The following ATP10A variants were observed in gnomAD, a reference collection of about 807,000 sequenced individuals.
ATP10A encodes the protein phospholipid-transporting ATPase VA.
A neutral mutation model predicts 147.8 loss-of-function variants in ATP10A; 111 were observed. That is an observed-to-expected ratio of 0.75 (90% confidence interval 0.64 to 0.88). The LOEUF is 0.88. Ranked by LOEUF, ATP10A falls within the 40% of genes least tolerant of loss-of-function variation. ATP10A has a pLI of 0.00. For missense variants in ATP10A, 1,927 were observed against 1,959.0 expected (o/e 0.98, Z 0.31); for synonymous variants, 875 against 841.6 (o/e 1.04, Z -0.69).
chr15:25,814,358 C>T (rs1012300690), intron 1 of ATP10A, among the ~76,000 whole-genome samples: 9 of 152,302 alleles, frequency 5.9e-5, no homozygotes, highest in African/African-American at 4.8e-5. Flanking sequence ...CATGGGCAGA[C>T]CTGTACCATG....
rs555291034 is a variant in ATP10A, at chr15:25,821,190, A to G, written c.450-39967T>C. ...TAAGACACGTGGATCCTTTGAGCCC[A>G]GGAGTTCAAGACCAGCCTGGGCTAC... On this transcript the variant is annotated intron_variant, in intron 1 of 20. Coordinates refer to ENST00000555815, the MANE Select transcript of ATP10A (RefSeq NM_024490.4). Among the ~76,000 whole-genome samples, 11 of 152,328 alleles carry G rather than the reference A, an allele frequency of 7.2e-5. No individual in the cohort carries two copies. The South Asian group carries it at 2.3e-3, about 32-fold the overall frequency.
intron 1 of ATP10A, among the ~76,000 whole-genome samples, chr15:25,803,099 C>T (rs1445256321): frequency 1.3e-5 from 2 of 152,136 alleles, no homozygotes; most frequent in South Asian, 2.1e-4. Flanking sequence ...ATCCGGGTCA[C>T]GAGGACACAG....
Position 25,681,166 on chromosome 15 carries a change from AAAC to A in ATP10A, c.3493-95_3493-93del, listed in dbSNP as rs1382694290. 5 of 1,242,936 alleles carry A rather than the reference AAAC, an allele frequency of 4.0e-6. No homozygotes were observed. The East Asian group carries it at 1.0e-4, about 26-fold the overall frequency. 77.0% of individuals were successfully genotyped at this position (1,242,936 alleles called of 1,614,324 possible). A position where few individuals can be genotyped will look rare whatever the true frequency, so the allele number is the denominator to read the frequency against. ...ATAAAAATGGAGTCACTTGTGTTAA[AAAC>A]AACAACAATAACAACAAAAACCCAC... On this transcript the variant is annotated intron_variant, in intron 17 of 20. Coordinates refer to ENST00000555815, the MANE Select transcript of ATP10A (RefSeq NM_024490.4).
At chr15:25,855,282 A>G (rs905878898) in intron 1 of ATP10A, among the ~76,000 whole-genome samples, 2 of 152,188 alleles carry the variant, frequency 1.3e-5, no homozygotes, top group Admixed American at 6.5e-5. Flanking sequence ...ATTGTACACC[A>G]TGACCAAGTA....
intron 1 of ATP10A, among the ~76,000 whole-genome samples, chr15:25,814,870 C>T (rs1891583214): frequency 6.6e-6 from 1 of 152,174 alleles, no homozygotes; most frequent in Non-Finnish European, 1.5e-5. Context: ...TACTGCAAAG[C>T]TTGTCACAGC....
In ATP10A at chr15:25,679,648, G is replaced by A. The variant is rs1899267319; in HGVS notation, c.4193C>T (p.Pro1398Leu). Residue 1398 changes from proline (P) to leucine (L), a missense_variant, in exon 21 of 21, where the codon CCA becomes CTA. Coordinates refer to ENST00000555815, the MANE Select transcript of ATP10A (RefSeq NM_024490.4). ...LSAPAPMSSA[P>L]GEAVLRSPGG... ...TGGACTCCTCAGGACAGCCTCCCCT[G>A]GCGCAGAGGACATGGGGGCCGGTGC... The A allele has an allele frequency of 6.2e-7, 1 of 1,613,296 alleles. No homozygotes were observed. Among genetic ancestry groups the A allele is most frequent in the Non-Finnish European group, 8.5e-7 (1 of 1,180,012 alleles).
In ATP10A at chr15:25,721,823, A is replaced by G; in HGVS notation, c.1197T>C (p.Tyr399=). Residue 399 remains tyrosine (Y), a synonymous_variant, in exon 7 of 21, where the codon TAT becomes TAC. Coordinates refer to ENST00000555815, the MANE Select transcript of ATP10A (RefSeq NM_024490.4). ...GCAGCTGCGAGTCTGTTTCTTCGTC[A>G]TACAACTGCATGTCCTGGTTAATGA... ...VYFINQDMQL[Y]DEETDSQLQC... 6.2e-7 allele frequency: 1 copy of G among 1,614,164 alleles called. No individual in the cohort carries two copies. The highest frequency in any genetic ancestry group is 8.5e-7 in the Non-Finnish European group (1 of 1,180,034).
chr15:25,779,935 CAGACGCCTGCCGCAGGCA>C (rs1350287059), intron 2 of ATP10A, among the ~76,000 whole-genome samples: 1 of 151,838 alleles, frequency 6.6e-6, no homozygotes, highest in Non-Finnish European at 1.5e-5. Context: ...AACAGTCAGG[CAGACGCCTGCCGCAGGCA>C]GGCCGGGCGG....
At chr15:25,862,030 A>G (rs1392187987) in intron 1 of ATP10A, 1 of 332,298 alleles carries the variant, frequency 3.0e-6, no homozygotes, top group African/African-American at 2.2e-5. Context: ...CCCAGGAAGC[A>G]GGTTAAGATG....
chr15:25,806,277 T>A lies in ATP10A; in HGVS notation c.450-25054A>T, dbSNP rs114099514. 2.7e-3 allele frequency among the ~76,000 whole-genome samples: 408 copies of A among 152,322 alleles called. 2 individuals are homozygous for A. The highest frequency in any genetic ancestry group is 9.2e-3 in the African/African-American group (381 of 41,568). On this transcript the variant is annotated intron_variant, in intron 1 of 20. Transcript: ENST00000555815. ...GATCTGTATGATGATCCACTTCCAC[T>A]TAATGCATAGTAAATGTATTTCCTC...
intron 1 of ATP10A, among the ~76,000 whole-genome samples, chr15:25,793,988 ATT>A (rs1890548566): frequency 6.6e-6 from 1 of 152,160 alleles, no homozygotes; most frequent in Non-Finnish European, 1.5e-5. Context: ...CAGCTACCTC[ATT>A]CAGGATGTGT....
intron 2 of ATP10A, among the ~76,000 whole-genome samples, chr15:25,767,369 C>T (rs1369953247): frequency 6.6e-6 from 1 of 152,126 alleles, no homozygotes; most frequent in Non-Finnish European, 1.5e-5. Context: ...TCCCGGACAG[C>T]GAGTCTGCTG....
rs569967586 is a variant in ATP10A at position 25,785,941 on chromosome 15, G to A, written c.450-4718C>T. On this transcript the variant is annotated intron_variant, in intron 1 of 20. Coordinates refer to ENST00000555815, the MANE Select transcript of ATP10A (RefSeq NM_024490.4). ...GTTCAAGAAGCTGGTGGGGCTGTGCGGGGTCCGGTCTCCGGAGGTGTCTCC... is the reference window on the plus strand; with the variant it reads ...GTTCAAGAAGCTGGTGGGGCTGTGCAGGGTCCGGTCTCCGGAGGTGTCTCC... Among the ~76,000 whole-genome samples the A allele has an allele frequency of 8.5e-5, 13 of 152,348 alleles. No homozygotes were observed. In the East Asian group the frequency reaches 1.5e-3, roughly 18 times the overall value.
In ATP10A at chr15:25,736,988, G is replaced by C. The variant is rs1887324221; in HGVS notation, c.655-847C>G. Among the ~76,000 whole-genome samples, 3 of 152,270 alleles carry C rather than the reference G, an allele frequency of 2.0e-5. No homozygotes were observed. In the South Asian group the frequency reaches 6.2e-4, roughly 32 times the overall value. ...TTGACACCACCCCAGGTTAACTATG[G>C]CTCTGCCGCAACCACACATTTCCCT... On this transcript the variant is annotated intron_variant, in intron 2 of 20. Coordinates refer to ENST00000555815, the MANE Select transcript of ATP10A (RefSeq NM_024490.4).
chr15:25,688,967 C>G (rs1441105312), intron 15 of ATP10A, among the ~76,000 whole-genome samples: 1 of 152,182 alleles, frequency 6.6e-6, no homozygotes, highest in Admixed American at 6.5e-5. Flanking sequence ...CTTGGAGAAA[C>G]AGATACCATT....
chr15:25,772,248 TAGG>T (rs564614006), intron 2 of ATP10A, among the ~76,000 whole-genome samples: 56 of 152,252 alleles, frequency 3.7e-4, no homozygotes, highest in African/African-American at 1.3e-3. Context: ...CTCTGGTCCA[TAGG>T]AGATTTGCAG....
intron 2 of ATP10A, among the ~76,000 whole-genome samples, chr15:25,753,763 T>TTA: frequency 6.7e-6 from 1 of 148,540 alleles, no homozygotes; most frequent in African/African-American, 2.4e-5. Flanking sequence ...TCATATATAG[T>TTA]TATATATATG....
intron 1 of ATP10A, among the ~76,000 whole-genome samples, chr15:25,785,272 A>T (rs527931317): frequency 4.8e-4 from 73 of 152,292 alleles, no homozygotes; most frequent in African/African-American, 1.7e-3. Context: ...CCATAAGGCT[A>T]GGCCCAAATG....
chr15:25,748,920 G>A lies in ATP10A; in HGVS notation c.655-12779C>T, dbSNP rs183661362. 2.1e-3 allele frequency among the ~76,000 whole-genome samples: 313 copies of A among 151,370 alleles called. 5 individuals carry two copies. The highest frequency in any genetic ancestry group is 9.1e-4 in the Non-Finnish European group (62 of 67,856). ...AAATACAAAAAAAAAAAAATTATCC[G>A]GGCGTGGTGGTGTGTGCCTGTAATC... On this transcript the variant is annotated intron_variant, in intron 2 of 20. Coordinates refer to ENST00000555815, the MANE Select transcript of ATP10A (RefSeq NM_024490.4).
Sources: gnomAD v4.1 joint callset for allele counts (sites outside exome capture counted in the v4.1 genomes callset) on GRCh38, gnomAD v4.1.1 for gene constraint, MANE v1.5 for transcripts, NCBI Gene and HGNC (gene_info 2026-07-23, HGNC 2026-07-21) for gene names.